Variants in SLC2A9 observed in about 807,000 individuals in gnomAD.
SLC2A9 encodes the protein solute carrier family 2, facilitated glucose transporter member 9.
SLC2A9 carries 39 observed loss-of-function variants against 50.6 expected under a neutral mutation model. The ratio of observed to expected loss-of-function variants is 0.77; its 90% CI spans 0.60 to 1.01. The LOEUF (loss-of-function observed/expected upper bound fraction) is 1.01, where lower values mean the gene tolerates loss of function less well. Among genes scored for constraint, SLC2A9 ranks in the 50% least tolerant of loss-of-function variants. The pLI is 0.00. For synonymous variants in SLC2A9, 324 were observed against 276.9 expected (o/e 1.17, Z -1.69); for missense variants, 686 against 677.6 (o/e 1.01, Z -0.14).
At chr4:9,922,803 C>T (rs1010741520) in intron 6 of SLC2A9, 5 of 152,398 alleles carry the variant, frequency 3.3e-5, no homozygotes, top group African/African-American at 9.7e-5. Flanking sequence ...GCTCTCCTAA[C>T]TCGTTCTCAG....
At chr4:9,874,461 C>T (rs1022817871) in intron 10 of SLC2A9, among the ~76,000 whole-genome samples, 11 of 152,190 alleles carry the variant, frequency 7.2e-5, no homozygotes, top group African/African-American at 2.4e-4. Context: ...AAGCTCTGTG[C>T]CCTTCCCACA....
At chr4:10,011,956 G>C (rs1761836445) in intron 2 of SLC2A9, among the ~76,000 whole-genome samples, 1 of 152,150 alleles carries the variant, frequency 6.6e-6, no homozygotes, top group African/African-American at 2.4e-5. Context: ...TCTAGCACAG[G>C]GGTTAGCCAA....
At chr4:9,806,003 C>T (rs1722072090) in intron 3 of SLC2A9, among the ~76,000 whole-genome samples, 1 of 152,220 alleles carries the variant, frequency 6.6e-6, no homozygotes, top group South Asian at 2.1e-4. Flanking sequence ...TGAACCTAGG[C>T]TCTCTGGCTC....
intron 10 of SLC2A9, among the ~76,000 whole-genome samples, chr4:9,835,961 C>T (rs1241608574): frequency 6.6e-6 from 1 of 151,758 alleles, no homozygotes; most frequent in Non-Finnish European, 1.5e-5. Context: ...GTGGTGCATG[C>T]TTGTTATCCC....
At chr4:9,901,734 G>T (rs1392318072) in intron 8 of SLC2A9, among the ~76,000 whole-genome samples, 2 of 152,010 alleles carry the variant, frequency 1.3e-5, no homozygotes, top group African/African-American at 2.4e-5. Context: ...GCCTTGGGCT[G>T]CTGCAGACAT....
intron 1 of SLC2A9, among the ~76,000 whole-genome samples, chr4:10,039,212 T>C (rs1764200507): frequency 6.6e-6 from 1 of 152,160 alleles, no homozygotes; most frequent in Admixed American, 6.5e-5. Flanking sequence ...TACTCAGAAC[T>C]TTTCTCTGAC....
chr4:9,964,492 A>C (rs181877951), intron 5 of SLC2A9, among the ~76,000 whole-genome samples: 291 of 152,346 alleles, frequency 1.9e-3, no homozygotes, highest in African/African-American at 6.7e-3. Flanking sequence ...CTCTGGCTAC[A>C]GAAAATGCCT....
At chr4:10,011,902 A>C (rs578131943) in intron 2 of SLC2A9, among the ~76,000 whole-genome samples, 1 of 152,350 alleles carries the variant, frequency 6.6e-6, no homozygotes, top group South Asian at 2.1e-4. Context: ...AGAGGTACTA[A>C]TGACACAAGG....
At chr4:9,979,975 C>T (rs138866566) in intron 5 of SLC2A9, among the ~76,000 whole-genome samples, 2,157 of 152,184 alleles carry the variant, frequency 0.014, 29 homozygotes, top group Middle Eastern at 0.054. Flanking sequence ...CATTTAGAGG[C>T]CACCTCTTCT....
rs1047055082 is a variant in SLC2A9 at position 9,878,637 on chromosome 4, T to C, written c.1291+8930A>G. ...TGCAGCCTCTATAATAAAGCTGTAA[T>C]TGTAAGTAGGGCACTTTCCTGAGTT... On this transcript the variant is annotated intron_variant, in intron 10 of 11. Transcript: ENST00000264784. 3.3e-5 allele frequency among the ~76,000 whole-genome samples: 5 copies of C among 151,974 alleles called. No homozygotes were observed. The East Asian group carries it at 5.8e-4, about 18-fold the overall frequency.
rs956916305 is a variant in SLC2A9, at chr4:10,033,658, G to A, written c.-41+6472C>T. Among the ~76,000 whole-genome samples the A allele has an allele frequency of 5.9e-5, 9 of 152,266 alleles. No individual in the cohort carries two copies. The South Asian group carries it at 6.2e-4, about 11-fold the overall frequency. On this transcript the variant is annotated intron_variant, in intron 1 of 12. Coordinates refer to the SLC2A9 transcript ENST00000309065. Reference sequence around the variant, plus strand: ...ACTTCCGTGTTAGTTACCCCAATACGCCCACTCTCTGCTTCAGTGAGCAAG... The same window carrying A: ...ACTTCCGTGTTAGTTACCCCAATACACCCACTCTCTGCTTCAGTGAGCAAG...
rs893187972 is a variant in SLC2A9 at position 9,970,382 on chromosome 4, A to C, written c.681+10210T>G. Among the ~76,000 whole-genome samples, 4 of 152,256 alleles carry C rather than the reference A, an allele frequency of 2.6e-5. No homozygotes were observed. In the South Asian group the frequency reaches 8.3e-4, roughly 32 times the overall value. On this transcript the variant is annotated intron_variant, in intron 5 of 11. Coordinates refer to ENST00000264784, the MANE Select transcript of SLC2A9 (RefSeq NM_020041.3). ...AACTGTGATTCACGACATAATCTTG[A>C]GTGGGGATGAGCTCCCTTGGCCAGA... is the stretch of plus-strand genomic sequence containing the variant.
downstream of SLC2A9, among the ~76,000 whole-genome samples, chr4:9,794,880 A>G (rs1004016): frequency 6.6e-6 from 1 of 152,140 alleles, no homozygotes; most frequent in African/African-American, 2.4e-5. Context: ...ACGTGGGTGT[A>G]TGAGCCGAGG....
chr4:9,918,474 T>C (rs1408308487), intron 7 of SLC2A9, among the ~76,000 whole-genome samples: 2 of 152,164 alleles, frequency 1.3e-5, no homozygotes, highest in African/African-American at 4.8e-5. Context: ...GGACACAGCC[T>C]GAGTGACATG....
intron 6 of SLC2A9, among the ~76,000 whole-genome samples, chr4:9,930,328 T>C (rs551947993): frequency 8.5e-5 from 13 of 152,306 alleles, no homozygotes; most frequent in Middle Eastern, 3.4e-3. Flanking sequence ...TGGAAGGAAA[T>C]GTAGCTCCTC....
At chr4:10,025,793 C>A (rs1350657500), upstream of SLC2A9, 27 of 1,026,022 alleles carry the variant, frequency 2.6e-5, no homozygotes, top group Non-Finnish European at 3.9e-5. Context: ...TCACTCTTTT[C>A]TCTGCCCAGC....
At chr4:9,990,283 T>C (rs919325176) in intron 3 of SLC2A9, among the ~76,000 whole-genome samples, 6 of 152,086 alleles carry the variant, frequency 3.9e-5, no homozygotes, top group African/African-American at 1.4e-4. Context: ...GGAGATGTGA[T>C]AGAAAAATTC....
Position 9,840,803 on chromosome 4 carries a change from A to G in SLC2A9, c.1292-5795T>C, listed in dbSNP as rs185736958. 4.2e-3 allele frequency among the ~76,000 whole-genome samples: 633 copies of G among 152,324 alleles called. 24 individuals are homozygous for G. The highest frequency in any genetic ancestry group is 0.039 in the Admixed American group (592 of 15,296). ...ATACCTGACACTGAGTAATTTATAAAGAATAAAGATTTAATTGACTCAGAG... is the reference window on the plus strand; with the variant it reads ...ATACCTGACACTGAGTAATTTATAAGGAATAAAGATTTAATTGACTCAGAG... On this transcript the variant is annotated intron_variant, in intron 10 of 11. Coordinates refer to ENST00000264784, the MANE Select transcript of SLC2A9 (RefSeq NM_020041.3).
chr4:10,031,947 G>C (rs1763952224), intron 1 of SLC2A9, among the ~76,000 whole-genome samples: 1 of 152,226 alleles, frequency 6.6e-6, no homozygotes, highest in African/African-American at 2.4e-5. Context: ...CTCTGACAGA[G>C]GCAAAACAGG....
Sources: gnomAD v4.1 joint callset for allele counts (sites outside exome capture counted in the v4.1 genomes callset) on GRCh38, gnomAD v4.1.1 for gene constraint, MANE v1.5 for transcripts, NCBI Gene and HGNC (gene_info 2026-07-23, HGNC 2026-07-21) for gene names.